SKAP2: variants seen among roughly 807,000 people sequenced by gnomAD.
SKAP2 encodes the protein src kinase associated phosphoprotein 2, also known as src kinase-associated phosphoprotein 2.
In SKAP2, 28 loss-of-function variants were observed where a neutral mutation model predicts 54.9. That is an observed-to-expected ratio of 0.51 (90% CI 0.38 to 0.70). The LOEUF (loss-of-function observed/expected upper bound fraction) is 0.70, where lower values mean the gene tolerates loss of function less well. SKAP2 is among the 30% of genes least tolerant of loss of function. The probability of loss-of-function intolerance (pLI) is 0.00; values close to 1 mark genes in which losing one functional copy is unlikely to be tolerated. For synonymous variants in SKAP2, 137 were observed against 134.3 expected, an observed-to-expected ratio of 1.02 and a Z score of -0.14; for missense variants, 356 against 424.1, an observed-to-expected ratio of 0.84 and a Z score of 1.41.
intron 6 of SKAP2, among the ~76,000 whole-genome samples, chr7:26,737,223 C>A (rs926488355): frequency 1.3e-5 from 2 of 152,206 alleles, no homozygotes; most frequent in East Asian, 1.9e-4. Flanking sequence ...TCTAAATTCA[C>A]AATATCATAC....
downstream of SKAP2, among the ~76,000 whole-genome samples, chr7:26,663,099 C>G (rs781101276): frequency 6.6e-6 from 1 of 152,024 alleles, no homozygotes; most frequent in Non-Finnish European, 1.5e-5. Flanking sequence ...TCATTCACTC[C>G]TTGTCCTTCA....
chr7:26,775,417 C>T (rs1157441169), intron 4 of SKAP2, among the ~76,000 whole-genome samples: 1 of 152,160 alleles, frequency 6.6e-6, no homozygotes, highest in Non-Finnish European at 1.5e-5. Flanking sequence ...ATACACTTTG[C>T]TCAGTTTTCC....
chr7:26,819,732 T>C (rs981968857), intron 4 of SKAP2, among the ~76,000 whole-genome samples: 2 of 152,152 alleles, frequency 1.3e-5, no homozygotes, highest in African/African-American at 2.4e-5. Flanking sequence ...TTTGATAATA[T>C]TAGGTAATTG....
At chr7:26,841,176 G>C (rs1427763074) in intron 4 of SKAP2, among the ~76,000 whole-genome samples, 3 of 152,050 alleles carry the variant, frequency 2.0e-5, no homozygotes, top group African/African-American at 7.2e-5. Context: ...TGACAAAGCT[G>C]TGGCTACTCT....
chr7:26,692,196 G>T (rs1033936195), intron 9 of SKAP2, among the ~76,000 whole-genome samples: 3 of 152,068 alleles, frequency 2.0e-5, no homozygotes, highest in Non-Finnish European at 4.4e-5. Context: ...AGGAATGAGG[G>T]GGGGGAAAAG....
intron 4 of SKAP2, 23 bp downstream of exon 4, chr7:26,844,007 T>A: frequency 7.2e-7 from 1 of 1,397,734 alleles, no homozygotes; most frequent in Admixed American, 1.7e-5. Flanking sequence ...AGTGTCAGAG[T>A]TACGTGGGAA....
intron 4 of SKAP2, among the ~76,000 whole-genome samples, chr7:26,773,146 A>T (rs960431965): frequency 6.6e-6 from 1 of 152,252 alleles, no homozygotes; most frequent in Non-Finnish European, 1.5e-5. Context: ...GTAATTATGT[A>T]GGTCTACAAC....
chr7:26,693,539 GGT>G (rs1253570167), intron 9 of SKAP2, among the ~76,000 whole-genome samples: 1 of 151,862 alleles, frequency 6.6e-6, no homozygotes, highest in Non-Finnish European at 1.5e-5. Context: ...ATTGTATATT[GGT>G]GTCAGAGAGC....
chr7:26,658,831 C>G, the SKAP2 span, among the ~76,000 whole-genome samples: 3 of 143,570 alleles, frequency 2.1e-5, no homozygotes, highest in African/African-American at 7.6e-5. Context: ...CCACCCCCCA[C>G]CCCCCCACCA....
chr7:26,720,669 A>G (rs1179812430), intron 9 of SKAP2, among the ~76,000 whole-genome samples: 3 of 152,140 alleles, frequency 2.0e-5, no homozygotes, highest in African/African-American at 7.2e-5. Context: ...GAAACTTACA[A>G]TCATGGCGGA....
chr7:26,672,083 G>C (rs891669433), intron 11 of SKAP2, among the ~76,000 whole-genome samples: 2 of 151,934 alleles, frequency 1.3e-5, no homozygotes, highest in Non-Finnish European at 2.9e-5. Flanking sequence ...CTAGCCCCCT[G>C]CTCCCCAGTG....
At chr7:26,698,811 C>T (rs193217594) in intron 9 of SKAP2, among the ~76,000 whole-genome samples, 11 of 152,248 alleles carry the variant, frequency 7.2e-5, no homozygotes, top group Admixed American at 5.9e-4. Context: ...AAACAACTGA[C>T]GGTATTTATT....
chr7:26,695,867 G>C (rs983751492), intron 9 of SKAP2, among the ~76,000 whole-genome samples: 1 of 152,138 alleles, frequency 6.6e-6, no homozygotes, highest in African/African-American at 2.4e-5. Context: ...CAAGATGCCC[G>C]AGTGGGAGAT....
chr7:26,723,382 G>A (rs993141642), intron 9 of SKAP2, among the ~76,000 whole-genome samples: 1 of 152,034 alleles, frequency 6.6e-6, no homozygotes, highest in Non-Finnish European at 1.5e-5. Flanking sequence ...TCCTTCCCGG[G>A]GCACAGGTGC....
rs148868854 is a variant in SKAP2, at chr7:26,706,390, A to C, written c.797-16028T>G. Among the ~76,000 whole-genome samples, 246 of 152,314 alleles carry C rather than the reference A, an allele frequency of 1.6e-3. 1 individual carries two copies. The highest frequency in any genetic ancestry group is 5.7e-3 in the African/African-American group (237 of 41,584). On this transcript the variant is annotated intron_variant, in intron 9 of 12. Coordinates refer to ENST00000345317, the MANE Select transcript of SKAP2 (RefSeq NM_003930.5). ...TAATATCTATGTTTTTTTTATAACT[A>C]GCCCTCACGTGTCTCATTTAACTGA...
chr7:26,804,259 A>C (rs1482278645), intron 4 of SKAP2, among the ~76,000 whole-genome samples: 4 of 152,198 alleles, frequency 2.6e-5, no homozygotes, highest in African/African-American at 9.6e-5. Context: ...ATACCCACAA[A>C]ATTTTTTAAA....
chr7:26,725,676 G>T, intron 8 of SKAP2, 111 bp from the exon 9 acceptor site: 3 of 1,089,472 alleles, frequency 2.8e-6, no homozygotes, highest in Non-Finnish European at 3.9e-6. Context: ...ATTGTTATAT[G>T]TTATGTCCTT....
At chr7:26,825,719 A>G (rs543858288) in intron 4 of SKAP2, among the ~76,000 whole-genome samples, 15 of 152,216 alleles carry the variant, frequency 9.9e-5, no homozygotes, top group African/African-American at 3.4e-4. Context: ...TTTAACATTT[A>G]TTTTTGCCTC....
intron 4 of SKAP2, among the ~76,000 whole-genome samples, chr7:26,832,017 C>A (rs988448972): frequency 1.3e-5 from 2 of 152,140 alleles, no homozygotes; most frequent in African/African-American, 4.8e-5. Flanking sequence ...ATTCTTCCTT[C>A]CATTCTCTAC....
Sources: gnomAD v4.1 joint callset for allele counts (sites outside exome capture counted in the v4.1 genomes callset) on GRCh38, gnomAD v4.1.1 for gene constraint, MANE v1.5 for transcripts, NCBI Gene and HGNC (gene_info 2026-07-23, HGNC 2026-07-21) for gene names.